RABGAP1L: variants seen among roughly 807,000 people sequenced by gnomAD.
RABGAP1L encodes the protein RAB GTPase activating protein 1 like.
Under a neutral mutation model 137.7 loss-of-function variants are expected in RABGAP1L, and 63 were observed. The ratio of observed to expected loss-of-function variants is 0.46; its 90% CI spans 0.37 to 0.56. The LOEUF is 0.56. Among genes scored for constraint, RABGAP1L ranks in the 20% least tolerant of loss-of-function variants. The pLI is 0.00. For missense variants in RABGAP1L, 1,095 were observed against 1,244.0 expected (o/e 0.88, Z 1.80); for synonymous variants, 431 against 433.7 (o/e 0.99, Z 0.08).
At chr1:174,950,169 T>G (rs539323136) in intron 19 of RABGAP1L, among the ~76,000 whole-genome samples, 1 of 152,326 alleles carries the variant, frequency 6.6e-6, no homozygotes, top group South Asian at 2.1e-4. Flanking sequence ...GGAGAATGCC[T>G]GGGAATTTGA....
chr1:174,254,417 C>T (rs1672950135), intron 7 of RABGAP1L, among the ~76,000 whole-genome samples: 1 of 152,076 alleles, frequency 6.6e-6, no homozygotes, highest in Non-Finnish European at 1.5e-5. Context: ...GTTTACTGTA[C>T]CCATCAGCCC....
chr1:174,789,813 G>A (rs990037805), intron 18 of RABGAP1L, among the ~76,000 whole-genome samples: 1 of 152,156 alleles, frequency 6.6e-6, no homozygotes, highest in East Asian at 1.9e-4. Context: ...CTTATTTTGT[G>A]TTTGTTTTCC....
Position 174,782,910 on chromosome 1 carries a change from A to AT in RABGAP1L, c.2212-28920dup, listed in dbSNP as rs564572689. Among the ~76,000 whole-genome samples, 260 of 152,348 alleles carry AT rather than the reference A, an allele frequency of 1.7e-3. 1 individual carries two copies. The highest frequency in any genetic ancestry group is 3.4e-3 in the Non-Finnish European group (233 of 68,032). ...TGAGAGCACAGGGTGAGGGACAATG[A>AT]TTGGGATATAAACCCCAGGCATTCC... On this transcript the variant is annotated intron_variant, in intron 18 of 25. Coordinates refer to ENST00000681986, the MANE Select transcript of RABGAP1L (RefSeq NM_001366446.1).
At chr1:174,521,053 G>A (rs953821919) in intron 13 of RABGAP1L, among the ~76,000 whole-genome samples, 3 of 152,142 alleles carry the variant, frequency 2.0e-5, no homozygotes, top group African/African-American at 2.4e-5. Context: ...CTAAAACACC[G>A]TATTGAAGAA....
At chr1:174,711,465 C>T (rs940142040) in intron 17 of RABGAP1L, among the ~76,000 whole-genome samples, 6 of 152,054 alleles carry the variant, frequency 3.9e-5, no homozygotes, top group East Asian at 2.0e-4. Context: ...CAGGTGGGCG[C>T]GGGCTTGGCG....
intron 12 of RABGAP1L, among the ~76,000 whole-genome samples, chr1:174,392,882 G>A (rs959697729): frequency 6.6e-6 from 1 of 152,206 alleles, no homozygotes; most frequent in African/African-American, 2.4e-5. Context: ...TGGAGTCCCA[G>A]TGGTTGCACC....
At chr1:174,607,703 C>T (rs1299376711) in intron 13 of RABGAP1L, among the ~76,000 whole-genome samples, 1 of 152,220 alleles carries the variant, frequency 6.6e-6, no homozygotes, top group African/African-American at 2.4e-5. Context: ...CCATGATTTT[C>T]AGGAAATACT....
At chr1:174,675,575 C>T (rs1425585277) in intron 14 of RABGAP1L, among the ~76,000 whole-genome samples, 2 of 151,820 alleles carry the variant, frequency 1.3e-5, no homozygotes. Context: ...GATGCGGGCT[C>T]TTTTTTGGTT....
At chr1:174,638,041 A>G (rs925293641) in intron 14 of RABGAP1L, among the ~76,000 whole-genome samples, 8 of 152,184 alleles carry the variant, frequency 5.3e-5, no homozygotes, top group African/African-American at 1.2e-4. Context: ...CTGCTTGGAT[A>G]CAGAAGATTC....
At chr1:174,469,439 A>G (rs1657657161) in intron 13 of RABGAP1L, among the ~76,000 whole-genome samples, 1 of 152,192 alleles carries the variant, frequency 6.6e-6, no homozygotes, top group Non-Finnish European at 1.5e-5. Context: ...TTCACTGGTA[A>G]TGCTTATTAA....
At chr1:174,424,304 A>G (rs1385092849) in intron 13 of RABGAP1L, among the ~76,000 whole-genome samples, 3 of 152,076 alleles carry the variant, frequency 2.0e-5, no homozygotes, top group Non-Finnish European at 4.4e-5. Context: ...CTTTAGCTTA[A>G]GTAGAGATAT....
chr1:174,445,517 C>G (rs896871728), intron 13 of RABGAP1L, among the ~76,000 whole-genome samples: 1 of 151,880 alleles, frequency 6.6e-6, no homozygotes, highest in Non-Finnish European at 1.5e-5. Context: ...AGTGTTAGTT[C>G]TATTGCTTTG....
chr1:174,360,972 C>T (rs1371198094), intron 11 of RABGAP1L, among the ~76,000 whole-genome samples: 6 of 152,224 alleles, frequency 3.9e-5, no homozygotes, highest in East Asian at 1.9e-4. Flanking sequence ...CTGGCTAACA[C>T]GGTGAAACGC....
At position 174,992,685 on chromosome 1, in the gene RABGAP1L, A is replaced by G. The variant is rs1450890425; in HGVS notation, c.*2684A>G. On this transcript the variant is annotated 3_prime_UTR_variant, in exon 26 of 26. Coordinates refer to ENST00000681986, the MANE Select transcript of RABGAP1L (RefSeq NM_001366446.1). ...AAGAAAATTCAGAATTTGGTATGTG[A>G]TATGATTGTTCATACAATATGTTAT... 1 of 152,206 alleles carries G rather than the reference A, an allele frequency of 6.6e-6. No homozygotes were observed. Among genetic ancestry groups the G allele is most frequent in the Non-Finnish European group, 1.5e-5 (1 of 68,038 alleles). 9.4% of individuals were successfully genotyped at this position (152,206 alleles called of 1,614,324 possible).
chr1:174,947,261 G>A (rs535406388), intron 19 of RABGAP1L, among the ~76,000 whole-genome samples: 1 of 142,108 alleles, frequency 7.0e-6, no homozygotes, highest in South Asian at 2.2e-4. Flanking sequence ...TGTATTTTTA[G>A]TAGAGACAGG....
intron 18 of RABGAP1L, among the ~76,000 whole-genome samples, chr1:174,798,831 C>G (rs1688479254): frequency 6.6e-6 from 1 of 152,196 alleles, no homozygotes; most frequent in Non-Finnish European, 1.5e-5. Flanking sequence ...ACCACAGAAT[C>G]AAGATGCTGA....
intron 13 of RABGAP1L, among the ~76,000 whole-genome samples, chr1:174,473,672 CT>C (rs1457969028): frequency 1.1e-4 from 17 of 152,170 alleles, no homozygotes; most frequent in Admixed American, 1.0e-3. Context: ...TTATGTTAAA[CT>C]TTAAAAGTTC....
intron 1 of RABGAP1L, among the ~76,000 whole-genome samples, chr1:174,163,620 A>AC (rs1664682238): frequency 6.6e-6 from 1 of 151,882 alleles, no homozygotes; most frequent in Admixed American, 6.6e-5. Flanking sequence ...TTAAAAAAAA[A>AC]AAAAACCCAA....
At chr1:174,945,214 A>C (rs1027157157) in intron 19 of RABGAP1L, among the ~76,000 whole-genome samples, 4 of 152,238 alleles carry the variant, frequency 2.6e-5, no homozygotes, top group Non-Finnish European at 5.9e-5. Context: ...AATCACACCA[A>C]TACAATTCAA....
Sources: allele counts gnomAD v4.1 joint callset (sites outside exome capture counted in the v4.1 genomes callset), GRCh38; gene constraint gnomAD v4.1.1; transcripts MANE v1.5; gene names NCBI Gene and HGNC (gene_info 2026-07-23, HGNC 2026-07-21).